Variants in PATE3 observed in about 807,000 individuals in gnomAD.
The protein encoded by PATE3 is prostate and testis expressed 3, also known as prostate and testis expressed protein 3.
In PATE3, 7 loss-of-function variants were observed where a neutral mutation model predicts 7.4. The ratio of observed to expected loss-of-function variants is 0.95; its 90% CI spans 0.54 to 1.78. PATE3 has a LOEUF of 1.78. Ranked by LOEUF, PATE3 falls within the 40% of genes most tolerant of loss-of-function variation. The pLI is 0.00. For missense variants in PATE3, 117 were observed against 122.5 expected (o/e 0.96, Z 0.21); for synonymous variants, 38 against 40.2 (o/e 0.94, Z 0.21).
In PATE3 at chr11:125,790,732, A is replaced by G; in HGVS notation, c.*130A>G. 2.2e-6 allele frequency: 2 copies of G among 916,778 alleles called. No homozygotes were observed. The highest frequency in any genetic ancestry group is 5.4e-5 in the East Asian group (2 of 36,890). The allele number at this position is 916,778 out of a possible 1,614,324, so 56.8% of individuals were successfully genotyped here. A position where few individuals can be genotyped will look rare whatever the true frequency, so the allele number is the denominator to read the frequency against. On this transcript the variant is annotated 3_prime_UTR_variant, in exon 3 of 3. Transcript: ENST00000445202. ...CCTGCCCTCGCATTAACCTAAGAAG[A>G]CTAAACTAGTGTGATCCTTTCTGGT...
intron 2 of PATE3, 78 bp downstream of exon 2, chr11:125,789,586 A>G (rs1490832000): frequency 2.7e-6 from 4 of 1,469,928 alleles, no homozygotes; most frequent in Admixed American, 4.1e-5. Flanking sequence ...TCACATCTCA[A>G]GAGAAGAACC....
chr11:125,789,437 G>A lies in PATE3; in HGVS notation c.101G>A (p.Arg34His), dbSNP rs1046892025. The change falls in exon 2 of 3, where the codon CGC (arginine) becomes CAC (histidine). Residue 34 changes from arginine to histidine, a missense_variant. By Grantham distance (29) the Arg-to-His change is conservative. Coordinates refer to ENST00000445202, the MANE Select transcript of PATE3 (RefSeq NM_001129883.4). ...TGCCACCTTCGCACACGGACAGACC[G>A]CTGTAGAAGAGGCTTTGGTGTCTGT... Reference protein sequence around the residue: ...ITCHLRTRTDRCRRGFGVCTA... With the variant: ...ITCHLRTRTDHCRRGFGVCTA... 21 of 1,551,446 alleles carry A rather than the reference G, an allele frequency of 1.4e-5. No homozygotes were observed. Among genetic ancestry groups the A allele is most frequent in the South Asian group, 2.4e-5 (2 of 84,062 alleles).
chr11:125,788,926 T>G (rs1324103843), intron 1 of PATE3, among the ~76,000 whole-genome samples: 1 of 152,214 alleles, frequency 6.6e-6, no homozygotes, highest in Non-Finnish European at 1.5e-5. Context: ...AAGTGTCACT[T>G]ATGGTACTAT....
At chr11:125,790,333 TG>T in intron 2 of PATE3, 144 bp from the exon 3 acceptor site, 1 of 720,422 alleles carries the variant, frequency 1.4e-6, no homozygotes, top group Non-Finnish European at 2.1e-6. Flanking sequence ...TCTCCCTGCC[TG>T]GGTGCTTTTA....
rs543806006 is a variant in PATE3, at chr11:125,790,643, A to G, written c.*41A>G. On this transcript the variant is annotated 3_prime_UTR_variant, in exon 3 of 3. Coordinates refer to ENST00000445202, the MANE Select transcript of PATE3 (RefSeq NM_001129883.4). ...GAGGTCTCGCTTTGGAATGTCCCCA[A>G]TGTTGCTCATCCTTCACACTCTGCT... 39 of 1,536,178 alleles carry G rather than the reference A, an allele frequency of 2.5e-5. No individual in the cohort carries two copies. The South Asian group carries it at 2.8e-4, about 11-fold the overall frequency.
In PATE3 at chr11:125,791,335, A is replaced by C. The variant is rs1202784189; in HGVS notation, c.*733A>C. 1.3e-5 allele frequency: 2 copies of C among 150,410 alleles called. No homozygotes were observed. Among genetic ancestry groups the C allele is most frequent in the African/African-American group, 4.9e-5 (2 of 40,726 alleles). 9.3% of individuals were successfully genotyped at this position (150,410 alleles called of 1,614,324 possible). A position where few individuals can be genotyped will look rare whatever the true frequency, so the allele number is the denominator to read the frequency against. ...CCATTCACCTTTACTATCACCTCCC[A>C]CCTCCATTATCACCTCCCCATTGCC... On this transcript the variant is annotated 3_prime_UTR_variant, in exon 3 of 3. Coordinates refer to ENST00000445202, the MANE Select transcript of PATE3 (RefSeq NM_001129883.4).
intron 2 of PATE3, 57 bp from the exon 3 acceptor site, chr11:125,790,421 C>A: frequency 6.7e-7 from 1 of 1,495,938 alleles, no homozygotes; most frequent in Non-Finnish European, 8.9e-7. Flanking sequence ...CTGGGTTTGA[C>A]TCACCTTGGA....
At position 125,789,440 on chromosome 11, in the gene PATE3, G is replaced by A; in HGVS notation, c.104G>A (p.Cys35Tyr). ...TCHLRTRTDRCRRGFGVCTAQ... is the reference protein window; with the variant it reads ...TCHLRTRTDRYRRGFGVCTAQ... ...CACCTTCGCACACGGACAGACCGCT[G>A]TAGAAGAGGCTTTGGTGTCTGTACT... Residue 35 changes from cysteine (C) to tyrosine (Y), a missense_variant, in exon 2 of 3, where the codon TGT becomes TAT. Cys to Tyr is a radical substitution (Grantham distance 194). Transcript: ENST00000445202. 6.4e-7 allele frequency: 1 copy of A among 1,551,684 alleles called. No individual in the cohort carries two copies. Among genetic ancestry groups the A allele is most frequent in the Non-Finnish European group, 8.7e-7 (1 of 1,146,948 alleles).
Position 125,790,525 on chromosome 11 carries a change from G to C in PATE3, c.220G>C (p.Asp74His). 6.4e-7 allele frequency: 1 copy of C among 1,551,036 alleles called. No homozygotes were observed. The highest frequency in any genetic ancestry group is 8.7e-7 in the Non-Finnish European group (1 of 1,146,474). The change falls in exon 3 of 3, where the codon GAC (aspartate) becomes CAC (histidine). Residue 74 changes from aspartate (D) to histidine (H), a missense_variant. Transcript: ENST00000445202. The part of the protein sequence containing the change: ...SYMVCQKFCR[D>H]MTFDLRNRTY... Reference sequence around the variant, plus strand: ...CATGGTGTGTCAGAAATTCTGCAGAGACATGACATTTGATCTCAGGAATCG... The same window carrying C: ...CATGGTGTGTCAGAAATTCTGCAGACACATGACATTTGATCTCAGGAATCG...
chr11:125,788,604 C>T (rs1179956130), intron 1 of PATE3, among the ~76,000 whole-genome samples: 1 of 152,148 alleles, frequency 6.6e-6, no homozygotes, highest in Non-Finnish European at 1.5e-5. Flanking sequence ...ATACCCTTTT[C>T]AGAGACTTTA....
At chr11:125,789,264 C>T in intron 1 of PATE3, 122 bp from the exon 2 acceptor site, 1 of 984,844 alleles carries the variant, frequency 1.0e-6, no homozygotes, top group Non-Finnish European at 1.5e-6. Context: ...ATACCCCAAC[C>T]AGTAGCTCTT....
intron 1 of PATE3, among the ~76,000 whole-genome samples, chr11:125,788,880 T>C (rs950393030): frequency 6.6e-6 from 1 of 152,196 alleles, no homozygotes; most frequent in Non-Finnish European, 1.5e-5. Flanking sequence ...AAATTAAACC[T>C]GTATTTTGAA....
Position 125,790,574 on chromosome 11 carries a change from A to G in PATE3, c.269A>G (p.Asn90Ser), listed in dbSNP as rs558422626. Residue 90 changes from asparagine to serine, a missense_variant, in exon 3 of 3, where the codon AAC becomes AGC. Transcript: ENST00000445202. Reference sequence around the variant, plus strand: ...CGGACTTATGTTCATACATGCTGCAACTACAATTACTGTAACTTTAAACTC... The same window carrying G: ...CGGACTTATGTTCATACATGCTGCAGCTACAATTACTGTAACTTTAAACTC... Reference protein sequence around the residue: ...RNRTYVHTCCNYNYCNFKL With the variant: ...RNRTYVHTCCSYNYCNFKL 5.2e-6 allele frequency: 8 copies of G among 1,551,446 alleles called. No individual in the cohort carries two copies. In the East Asian group the frequency reaches 2.0e-4, roughly 38 times the overall value.
intron 1 of PATE3, 30 bp downstream of exon 1, chr11:125,788,230 A>G: frequency 6.5e-7 from 1 of 1,540,290 alleles, no homozygotes; most frequent in Non-Finnish European, 8.8e-7. Flanking sequence ...GGTATACTTG[A>G]GAGACAGGAT....
At chr11:125,789,542 T>C in intron 2 of PATE3, 34 bp downstream of exon 2, 1 of 1,533,378 alleles carries the variant, frequency 6.5e-7, no homozygotes, top group South Asian at 1.2e-5. Flanking sequence ...TGTTGTAAGA[T>C]TCTTAGAATT....
chr11:125,789,580 A>C, intron 2 of PATE3, 72 bp downstream of exon 2: 1 of 1,482,722 alleles, frequency 6.7e-7, no homozygotes, highest in Non-Finnish European at 9.1e-7. Context: ...GCAATTTCAC[A>C]TCTCAAGAGA....
In PATE3 at chr11:125,790,592, TTAAACTC is replaced by T. The variant is rs1293203872; in HGVS notation, c.291_297del (p.Leu98IlefsTer32). ...TGCTGCAACTACAATTACTGTAACT[TTAAACTC>T]TAAGATATTTGCCCTCCTGAGGTCT... On this transcript the variant is annotated frameshift_variant, in exon 3 of 3. Transcript: ENST00000445202. LOFTEE classifies it high-confidence loss of function. 2.6e-6 allele frequency: 4 copies of T among 1,551,354 alleles called. No individual in the cohort carries two copies. The highest frequency in any genetic ancestry group is 4.9e-5 in the East Asian group (2 of 40,916).
intron 1 of PATE3, among the ~76,000 whole-genome samples, chr11:125,788,909 C>A (rs1454298730): frequency 6.6e-6 from 1 of 152,120 alleles, no homozygotes; most frequent in Non-Finnish European, 1.5e-5. Flanking sequence ...CCCGCAGAAC[C>A]TCATAAAAGT....
rs182018924 is a variant in PATE3 at position 125,788,131 on chromosome 11, A to G, written c.-21A>G. Reference sequence around the variant, plus strand: ...GCAGCCCCTAGCTTCTTTTTCCTGCACAAGGGATTTCCGGGTCAGGATGAA... The same window carrying G: ...GCAGCCCCTAGCTTCTTTTTCCTGCGCAAGGGATTTCCGGGTCAGGATGAA... On this transcript the variant is annotated 5_prime_UTR_variant, in exon 1 of 3. Transcript: ENST00000445202. 6.4e-7 allele frequency: 1 copy of G among 1,550,796 alleles called. No individual in the cohort carries two copies.
Sources: gnomAD v4.1 joint callset for allele counts (sites outside exome capture counted in the v4.1 genomes callset) on GRCh38, gnomAD v4.1.1 for gene constraint, MANE v1.5 for transcripts, NCBI Gene and HGNC (gene_info 2026-07-23, HGNC 2026-07-21) for gene names.